The following GBF1 variants were observed in gnomAD, a reference collection of about 807,000 sequenced individuals.
GBF1 encodes the protein golgi brefeldin A resistant guanine nucleotide exchange factor 1.
Under a neutral mutation model 210.5 loss-of-function variants are expected in GBF1, and 114 were observed. That is an observed-to-expected ratio of 0.54 (90% CI 0.47 to 0.63). The LOEUF (loss-of-function observed/expected upper bound fraction) is 0.63, where lower values mean the gene tolerates loss of function less well. Ranked by LOEUF, GBF1 falls within the 30% of genes least tolerant of loss-of-function variation. The probability of loss-of-function intolerance (pLI) is 0.00; values close to 1 mark genes in which losing one functional copy is unlikely to be tolerated. For missense variants in GBF1, 1,851 were observed against 2,357.7 expected (o/e 0.79, Z 4.45); for synonymous variants, 850 against 889.2 (o/e 0.96, Z 0.78).
intron 8 of GBF1, among the ~76,000 whole-genome samples, chr10:102,357,269 C>CT (rs890632001): frequency 4.6e-5 from 7 of 151,958 alleles, no homozygotes; most frequent in Admixed American, 4.6e-4. Flanking sequence ...GGCAGATCAC[C>CT]TAAGGTCAGG....
At chr10:102,357,019 G>A (rs1187742789) in intron 8 of GBF1, among the ~76,000 whole-genome samples, 2 of 152,138 alleles carry the variant, frequency 1.3e-5, no homozygotes, top group Non-Finnish European at 2.9e-5. Context: ...AATAGTGAGA[G>A]GGCCAGAGGG....
At position 102,259,012 on chromosome 10, in the gene GBF1, G is replaced by A. The variant is rs770542755; in HGVS notation, c.74G>A (p.Arg25Gln). 41 of 1,587,034 alleles carry A rather than the reference G, an allele frequency of 2.6e-5. No homozygotes were observed. The highest frequency in any genetic ancestry group is 6.6e-5 in the South Asian group (6 of 90,546). Reference sequence around the variant, plus strand: ...GTTGGGGCCATCAAACGAAATGCCCGATGGAGCACCCATACACCACTGGTA... The same window carrying A: ...GTTGGGGCCATCAAACGAAATGCCCAATGGAGCACCCATACACCACTGGTA... Reference protein sequence around the residue: ...IVVGAIKRNARWSTHTPLDEE... With the variant: ...IVVGAIKRNAQWSTHTPLDEE... The change falls in exon 2 of 40, where the codon CGA becomes CAA. Residue 25 changes from arginine to glutamine, a missense_variant. Physicochemically the swap from Arg to Gln is conservative, Grantham distance 43 (BLOSUM62 1). Transcript: ENST00000369983.
At chr10:102,309,163 T>C (rs1276079938) in intron 3 of GBF1, among the ~76,000 whole-genome samples, 1 of 152,204 alleles carries the variant, frequency 6.6e-6, no homozygotes, top group Non-Finnish European at 1.5e-5. Context: ...AGAGAGGGCT[T>C]CAATTTGCAC....
chr10:102,235,767 T>C, the GBF1 span, among the ~76,000 whole-genome samples: 1 of 152,226 alleles, frequency 6.6e-6, no homozygotes, highest in African/African-American at 2.4e-5. Flanking sequence ...CCAGACTCTG[T>C]ATCCTCCAGT....
At chr10:102,280,194 G>A (rs1589465771) in intron 3 of GBF1, among the ~76,000 whole-genome samples, 1 of 152,120 alleles carries the variant, frequency 6.6e-6, no homozygotes, top group Non-Finnish European at 1.5e-5. Flanking sequence ...GAGTCAGAAA[G>A]AGGAAAGGGG....
In GBF1 at chr10:102,363,193, T is replaced by C. The variant is rs977297246; in HGVS notation, c.1877-63T>C. ...TCTTCTGGGCTTGGGATTTGATCTA[T>C]CCTGCAGCTCTGCTTGGCTTCATAC... is the stretch of plus-strand genomic sequence containing the variant. On this transcript the variant is annotated intron_variant, in intron 15 of 39. Coordinates refer to ENST00000369983, the MANE Select transcript of GBF1 (RefSeq NM_001377137.1). This position sits in a 1 kb window ranked among gnomAD's most constrained non-coding sequence, Gnocchi z 4.2. The C allele has an allele frequency of 1.5e-5, 22 of 1,472,794 alleles. No individual in the cohort carries two copies. Among genetic ancestry groups the C allele is most frequent in the African/African-American group, 5.5e-5 (4 of 72,076 alleles). The allele number at this position is 1,472,794 out of a possible 1,614,324, so 91.2% of individuals were successfully genotyped here. A position where few individuals can be genotyped will look rare whatever the true frequency, so the allele number is the denominator to read the frequency against.
Position 102,369,984 on chromosome 10 carries a change from G to A in GBF1, c.3339G>A (p.Lys1113=), listed in dbSNP as rs1443204605. The change falls in exon 26 of 40, where the codon AAG becomes AAA. Residue 1113 remains lysine (K), a splice_region_variant and synonymous_variant. Transcript: ENST00000369983. The part of the protein sequence containing the change: ...EAKRVALECI[K]QCDPEKMITE... ...AGAGAGTGGCCTTAGAGTGTATAAAGGTAACTGCCCATCCACCCCTGGTGA... is the reference window on the plus strand; with the variant it reads ...AGAGAGTGGCCTTAGAGTGTATAAAAGTAACTGCCCATCCACCCCTGGTGA... 6.2e-7 allele frequency: 1 copy of A among 1,613,992 alleles called. No homozygotes were observed. The highest frequency in any genetic ancestry group is 8.5e-7 in the Non-Finnish European group (1 of 1,180,000).
Position 102,351,838 on chromosome 10 carries a change from G to C in GBF1, c.415-5G>C. 1 of 1,527,702 alleles carries C rather than the reference G, an allele frequency of 6.5e-7. No individual in the cohort carries two copies. 94.6% of individuals were successfully genotyped at this position (1,527,702 alleles called of 1,614,324 possible). A position where few individuals can be genotyped will look rare whatever the true frequency, so the allele number is the denominator to read the frequency against. The stretch of plus-strand genomic sequence containing the variant: ...ATCACAGTAATTCCTTTTTCTTCCT[G>C]ATAGGTTCTACGGACTCTGCTGCTA... On this transcript the variant is annotated splice_region_variant and splice_polypyrimidine_tract_variant and intron_variant, in intron 5 of 39. Transcript: ENST00000369983.
chr10:102,304,342 T>C (rs1455341401), intron 3 of GBF1, among the ~76,000 whole-genome samples: 1 of 152,208 alleles, frequency 6.6e-6, no homozygotes, highest in Non-Finnish European at 1.5e-5. Flanking sequence ...AGACTTCGAA[T>C]GCCGTATGTG....
At position 102,377,074 on chromosome 10, in the gene GBF1, T is replaced by C; in HGVS notation, c.4428T>C (p.Ser1476=). Residue 1476 remains serine (S), a synonymous_variant, in exon 33 of 40, where the codon AGT becomes AGC. Transcript: ENST00000369983. ...SSQHASRGGQ[S]DDDEDEGVPA... ...AACATGCCTCTCGGGGCGGGCAGAG[T>C]GATGATGATGAGGACGAAGGCGTGC... The C allele has an allele frequency of 1.2e-6, 2 of 1,613,356 alleles. No homozygotes were observed. The highest frequency in any genetic ancestry group is 2.2e-5 in the East Asian group (1 of 44,836).
At chr10:102,369,632 C>A (rs1460942617) in intron 24 of GBF1, 79 bp from the exon 25 acceptor site, 4 of 1,329,602 alleles carry the variant, frequency 3.0e-6, no homozygotes, top group African/African-American at 2.9e-5. Context: ...AGGAGGAAAT[C>A]CAGAGAACTT....
In GBF1 at chr10:102,366,975, CTT is replaced by C. The variant is rs779701434; in HGVS notation, c.2434-108_2434-107del. The C allele has an allele frequency of 1.6e-6, 2 of 1,243,236 alleles. No homozygotes were observed. Among genetic ancestry groups the C allele is most frequent in the Non-Finnish European group, 2.3e-6 (2 of 880,166 alleles). The allele number at this position is 1,243,236 out of a possible 1,614,324, so 77.0% of individuals were successfully genotyped here. On this transcript the variant is annotated intron_variant, in intron 19 of 39. Transcript: ENST00000369983. This position sits in a 1 kb window ranked among gnomAD's most constrained non-coding sequence, Gnocchi z 4.0. ...TAAGGAGTTGGCAAGAGACTGGCCA[CTT>C]TCTGGATGGTACCTCTCCTCTGTAC...
the GBF1 span, among the ~76,000 whole-genome samples, chr10:102,237,693 T>A: frequency 1.3e-5 from 2 of 152,232 alleles, no homozygotes; most frequent in Non-Finnish European, 2.9e-5. Flanking sequence ...ACCAGCTTTA[T>A]GTTAAAAATG....
intron 3 of GBF1, among the ~76,000 whole-genome samples, chr10:102,277,381 A>G (rs1454805781): frequency 6.7e-6 from 1 of 150,350 alleles, no homozygotes; most frequent in Non-Finnish European, 1.5e-5. Flanking sequence ...AGTAGGTTAT[A>G]TACATTGTGA....
chr10:102,346,587 C>T (rs2058588585), intron 4 of GBF1, among the ~76,000 whole-genome samples: 2 of 152,200 alleles, frequency 1.3e-5, no homozygotes, highest in South Asian at 4.1e-4. Flanking sequence ...CGGCTCACTG[C>T]AGCCTTGACC....
intron 3 of GBF1, among the ~76,000 whole-genome samples, chr10:102,265,022 G>A (rs569990600): frequency 6.6e-6 from 1 of 152,318 alleles, no homozygotes; most frequent in Non-Finnish European, 1.5e-5. Flanking sequence ...AGACCTTGTG[G>A]TAGGATCTGT....
intron 3 of GBF1, among the ~76,000 whole-genome samples, chr10:102,276,740 G>T (rs2075018530): frequency 2.0e-5 from 3 of 152,024 alleles, no homozygotes; most frequent in African/African-American, 7.3e-5. Context: ...ATTTGGGTTG[G>T]TAATAGTCTA....
chr10:102,316,734 T>C (rs746426755), intron 3 of GBF1, among the ~76,000 whole-genome samples: 6 of 152,078 alleles, frequency 3.9e-5, no homozygotes, highest in South Asian at 2.1e-4. Flanking sequence ...ACCCAGAAAA[T>C]TTGAAGTTTG....
In GBF1 at chr10:102,363,582, A is replaced by C. The variant is rs1419459300; in HGVS notation, c.2018-128A>C. ...GATAGGACTTCCAGGGAAGTGGAAG[A>C]CTGGTGAGGACAAGATTTCTGAGGC... On this transcript the variant is annotated intron_variant, in intron 16 of 39. Transcript: ENST00000369983. This position sits in a 1 kb window ranked among gnomAD's most constrained non-coding sequence, Gnocchi z 4.2. 1.2e-6 allele frequency: 1 copy of C among 806,968 alleles called. No individual in the cohort carries two copies. Among genetic ancestry groups the C allele is most frequent in the Admixed American group, 2.1e-5 (1 of 47,200 alleles). 50.0% of individuals were successfully genotyped at this position (806,968 alleles called of 1,614,324 possible).
Sources: gnomAD v4.1 joint callset for allele counts (sites outside exome capture counted in the v4.1 genomes callset) on GRCh38, gnomAD v4.1.1 for gene constraint, Gnocchi (gnomAD v3.1) non-coding constraint, MANE v1.5 for transcripts, NCBI Gene and HGNC (gene_info 2026-07-23, HGNC 2026-07-21) for gene names.